TBC1D5: variants seen among roughly 807,000 people sequenced by gnomAD.
TBC1D5 encodes the protein TBC1 domain family member 5.
In TBC1D5, 75 loss-of-function variants were observed where a neutral mutation model predicts 100.3. That is an observed-to-expected ratio of 0.75 (90% CI 0.62 to 0.91). The LOEUF is 0.91. Among genes scored for constraint, TBC1D5 ranks in the 40% least tolerant of loss-of-function variants. The pLI is 0.00. For missense variants in TBC1D5, 910 were observed against 942.4 expected (o/e 0.97, Z 0.45); for synonymous variants, 323 against 325.6 (o/e 0.99, Z 0.09).
chr3:17,449,481 C>CT (rs954718054), intron 3 of TBC1D5, among the ~76,000 whole-genome samples: 15 of 152,336 alleles, frequency 9.8e-5, no homozygotes, highest in African/African-American at 3.6e-4. Flanking sequence ...CTAAGATCCA[C>CT]TGGCTTGAAA....
In TBC1D5 at chr3:17,716,019, T is replaced by C. The variant is rs184352420; in HGVS notation, c.-101+23324A>G. Among the ~76,000 whole-genome samples the C allele has an allele frequency of 2.2e-3, 335 of 151,772 alleles. 1 individual carries two copies. Among genetic ancestry groups the C allele is most frequent in the Non-Finnish European group, 3.2e-3 (220 of 67,934 alleles). On this transcript the variant is annotated intron_variant, in intron 1 of 21. Coordinates refer to ENST00000253692, the Ensembl canonical transcript of TBC1D5. ...GTGAGCTGAGACCATGCCGTTGGAC[T>C]CCAGCCTGGGCGAAAAGAGTGAAAT...
At chr3:17,214,143 C>A in intron 18 of TBC1D5, 64 bp downstream of exon 19, 1 of 1,510,926 alleles carries the variant, frequency 6.6e-7, no homozygotes, top group South Asian at 1.4e-5. Context: ...ACAGAGCTTT[C>A]ATAAATGCAG....
Position 17,428,530 on chromosome 3 carries a change from A to G in TBC1D5, c.98-11T>C. ...TTTTATTTGAATCTCCTGGAGAAAA[A>G]AATTACGACACTGAAATAATGGAGA... On this transcript the variant is annotated splice_polypyrimidine_tract_variant and intron_variant, in intron 3 of 21. Transcript: ENST00000253692. 1 of 1,438,260 alleles carries G rather than the reference A, an allele frequency of 7.0e-7. No individual in the cohort carries two copies. Among genetic ancestry groups the G allele is most frequent in the Non-Finnish European group, 9.3e-7 (1 of 1,075,016 alleles). 89.1% of individuals were successfully genotyped at this position (1,438,260 alleles called of 1,614,324 possible). A position where few individuals can be genotyped will look rare whatever the true frequency, so the allele number is the denominator to read the frequency against.
At chr3:17,616,282 T>C (rs1293981998) in intron 2 of TBC1D5, among the ~76,000 whole-genome samples, 3 of 152,196 alleles carry the variant, frequency 2.0e-5, no homozygotes, top group Non-Finnish European at 4.4e-5. Flanking sequence ...TTCTTTTACA[T>C]TTGCTGAGGA....
chr3:17,730,161 G>A lies in TBC1D5; in HGVS notation c.-101+9182C>T, dbSNP rs189897482. Among the ~76,000 whole-genome samples the A allele has an allele frequency of 1.1e-3, 168 of 152,102 alleles. 1 individual carries two copies. Among genetic ancestry groups the A allele is most frequent in the Non-Finnish European group, 1.9e-3 (131 of 68,012 alleles). The stretch of plus-strand genomic sequence containing the variant: ...GTTGTACTTTGATTCTTAAGAAGAC[G>A]AAAGTATAGACAGGAATTAATTCAT... On this transcript the variant is annotated intron_variant, in intron 1 of 21. Transcript: ENST00000253692.
At chr3:17,705,696 T>C (rs1331271191) in intron 1 of TBC1D5, among the ~76,000 whole-genome samples, 1 of 121,126 alleles carries the variant, frequency 8.3e-6, no homozygotes, top group African/African-American at 3.2e-5. Context: ...TGATGGCGGC[T>C]GGGAAGAGGC....
intron 18 of TBC1D5, among the ~76,000 whole-genome samples, chr3:17,202,151 T>C (rs1016976593): frequency 4.6e-5 from 7 of 152,222 alleles, no homozygotes; most frequent in Non-Finnish European, 8.8e-5. Context: ...ATGAGAAACT[T>C]ATTGGGAATT....
At position 17,404,688 on chromosome 3, in the gene TBC1D5, C is replaced by T. The variant is rs760179967; in HGVS notation, c.441+6G>A. The T allele has an allele frequency of 2.5e-6, 4 of 1,594,222 alleles. No homozygotes were observed. Among genetic ancestry groups the T allele is most frequent in the East Asian group, 4.5e-5 (2 of 44,288 alleles). On this transcript the variant is annotated splice_donor_region_variant and intron_variant, in intron 7 of 21. Transcript: ENST00000253692. ...AGGTTAAGACATGAACAAAGACGAA[C>T]TTTACCCCTTCATCCTGTGAAAGAG...
intron 8 of TBC1D5, among the ~76,000 whole-genome samples, chr3:17,393,984 T>C (rs2093429915): frequency 6.6e-6 from 1 of 152,024 alleles, no homozygotes; most frequent in South Asian, 2.1e-4. Context: ...GGGATCTAAT[T>C]AAACTAAAGA....
At chr3:17,577,275 A>G (rs2096663339) in intron 2 of TBC1D5, among the ~76,000 whole-genome samples, 1 of 151,988 alleles carries the variant, frequency 6.6e-6, no homozygotes, top group Admixed American at 6.6e-5. Context: ...ACAGCAATTC[A>G]CCAAAAATGC....
chr3:17,386,795 A>G (rs1213424869), intron 8 of TBC1D5, among the ~76,000 whole-genome samples: 1 of 152,136 alleles, frequency 6.6e-6, no homozygotes, highest in Non-Finnish European at 1.5e-5. Flanking sequence ...ATTAAACTCC[A>G]TTAAATTTAA....
chr3:17,421,970 T>C (rs1001209214), intron 4 of TBC1D5, among the ~76,000 whole-genome samples: 1 of 152,180 alleles, frequency 6.6e-6, no homozygotes, highest in Admixed American at 6.6e-5. Flanking sequence ...ATTCTAGGCC[T>C]TCCTCCCTCC....
chr3:17,466,801 T>C lies in TBC1D5; in HGVS notation c.98-38282A>G, dbSNP rs1325979921. Among the ~76,000 whole-genome samples the C allele has an allele frequency of 5.3e-5, 8 of 152,274 alleles. 1 individual carries two copies. In the East Asian group the frequency reaches 1.5e-3, roughly 29 times the overall value. On this transcript the variant is annotated intron_variant, in intron 3 of 21. Transcript: ENST00000253692. ...TAGTAATTATGTCTTTAGATTGTTT[T>C]ATTTTTATCAAACGTGACTCAAGTA...
At chr3:17,444,826 G>A (rs1011056259) in intron 3 of TBC1D5, among the ~76,000 whole-genome samples, 6 of 151,952 alleles carry the variant, frequency 3.9e-5, no homozygotes, top group Non-Finnish European at 8.8e-5. Context: ...ACAATATATA[G>A]TTTAATACTA....
chr3:17,417,184 TTTA>T (rs1233972691), intron 4 of TBC1D5, among the ~76,000 whole-genome samples: 2 of 152,144 alleles, frequency 1.3e-5, no homozygotes, highest in Non-Finnish European at 2.9e-5. Flanking sequence ...ACATTTATTT[TTTA>T]TTATTTTTTA....
intron 2 of TBC1D5, among the ~76,000 whole-genome samples, chr3:17,621,310 C>G (rs1468077398): frequency 1.3e-5 from 2 of 152,140 alleles, no homozygotes. Flanking sequence ...CTAAAAGGGC[C>G]TAAAAGCCAA....
At chr3:17,335,379 G>C (rs1282655400) in intron 13 of TBC1D5, among the ~76,000 whole-genome samples, 2 of 151,998 alleles carry the variant, frequency 1.3e-5, no homozygotes, top group African/African-American at 2.4e-5. Context: ...ATAATGCTGG[G>C]AGCTTTTGCC....
At chr3:17,477,439 C>T (rs1435382154) in intron 3 of TBC1D5, among the ~76,000 whole-genome samples, 1 of 151,852 alleles carries the variant, frequency 6.6e-6, no homozygotes, top group African/African-American at 2.4e-5. Context: ...AGAATTTTCT[C>T]TTTATGTTTT....
At chr3:17,741,643 T>C (rs2077445449), upstream of TBC1D5, among the ~76,000 whole-genome samples, 1 of 152,136 alleles carries the variant, frequency 6.6e-6, no homozygotes, top group Admixed American at 6.5e-5. Context: ...ACCTACAGGA[T>C]GTTAACTTTA....
Sources: gnomAD v4.1 joint callset for allele counts (sites outside exome capture counted in the v4.1 genomes callset) on GRCh38, gnomAD v4.1.1 for gene constraint, MANE v1.5 for transcripts, NCBI Gene and HGNC (gene_info 2026-07-23, HGNC 2026-07-21) for gene names.